The following USP26 variants were observed in gnomAD, a reference collection of about 807,000 sequenced individuals.
The protein encoded by USP26 is ubiquitin specific peptidase 26, also known as ubiquitin carboxyl-terminal hydrolase 26.
For missense variants in USP26, 649 were observed against 642.3 expected (o/e 1.01, Z -0.11); for synonymous variants, 236 against 240.6 (o/e 0.98, Z 0.18).
At position 133,027,437 on chromosome X, in the gene USP26, T is replaced by G. The variant is rs1449468387; in HGVS notation, c.784A>C (p.Met262Leu). The change falls in exon 6 of 6, where the codon ATG (methionine) becomes CTG (leucine). Residue 262 changes from methionine (M) to leucine (L), a missense_variant. Transcript: ENST00000511190. ...IGLLQALTEK[M>L]VLVFLLQQGY... is the part of the protein sequence containing the mutation. ...TGTTGTAACAGAAATACCAAAACCA[T>G]TTTCTCAGTGAGAGCTTGGAGAAGA... 1 of 1,209,676 alleles carries G rather than the reference T, an allele frequency of 8.3e-7. No individual in the cohort carries two copies. Among genetic ancestry groups the G allele is most frequent in the Non-Finnish European group, 1.1e-6 (1 of 894,740 alleles).
rs1381474908 is a variant in USP26, at chrX:133,026,118, A to G, written c.2103T>C (p.Tyr701=). 1 of 1,210,695 alleles carries G rather than the reference A, an allele frequency of 8.3e-7. No individual in the cohort carries two copies. Among genetic ancestry groups the G allele is most frequent in the Non-Finnish European group, 1.1e-6 (1 of 895,176 alleles). Residue 701 remains tyrosine, a synonymous_variant, in exon 6 of 6, where the codon TAT becomes TAC. Transcript: ENST00000511190. ...AAGCTACAAACTTACTGGTTTTCAC[A>G]TATTTCTTTCGTTTTGGATTTTCGG... ...TVPENPKRKK[Y]VKTSKFVAFD... is the part of the protein sequence containing the mutation.
intron 5 of USP26, among the ~76,000 whole-genome samples, chrX:133,057,866 ATTTTTTTTT>A (rs59814007): frequency 1.1e-4 from 1 of 9,334 alleles, no homozygotes; most frequent in Non-Finnish European, 1.6e-4. Flanking sequence ...ATATATATAT[ATTTTTTTTT>A]TTTTTTTTTT....
At position 133,026,721 on chromosome X, in the gene USP26, C is replaced by T. The variant is rs778825409; in HGVS notation, c.1500G>A (p.Glu500=). ...EELEYKCAKC[E]HKTSVGVHSF... is the part of the protein sequence containing the mutation. Reference sequence around the variant, plus strand: ...AGTGCACTCCAACGGAAGTCTTGTGCTCACATTTTGCACATTTATACTCAA... The same window carrying T: ...AGTGCACTCCAACGGAAGTCTTGTGTTCACATTTTGCACATTTATACTCAA... Residue 500 remains glutamate (E), a synonymous_variant, in exon 6 of 6, where the codon GAG becomes GAA. Transcript: ENST00000511190. 1.3e-5 allele frequency: 16 copies of T among 1,208,110 alleles called. No homozygotes were observed. The Middle Eastern group carries it at 6.9e-4, about 52-fold the overall frequency.
At chrX:133,034,411 T>C (rs1234107791) in intron 5 of USP26, among the ~76,000 whole-genome samples, 2 of 111,532 alleles carry the variant, frequency 1.8e-5, no homozygotes, top group African/African-American at 6.5e-5. Flanking sequence ...AAGCTGACTA[T>C]GACATGAAGG....
chrX:133,030,496 C>T (rs1048537333), intron 5 of USP26, among the ~76,000 whole-genome samples: 6 of 112,084 alleles, frequency 5.4e-5, no homozygotes, highest in Non-Finnish European at 9.4e-5. Flanking sequence ...GGTATTGCAG[C>T]CGGTGCTCTC....
At chrX:133,053,145 G>A (rs1376388061) in intron 5 of USP26, among the ~76,000 whole-genome samples, 2 of 111,760 alleles carry the variant, frequency 1.8e-5, no homozygotes, top group African/African-American at 3.3e-5. Context: ...CAGAATATAC[G>A]GTTATTCTAA....
chrX:133,035,937 C>A (rs973526851), intron 5 of USP26, among the ~76,000 whole-genome samples: 1 of 111,126 alleles, frequency 9.0e-6, no homozygotes, highest in Non-Finnish European at 1.9e-5. Flanking sequence ...GGCAGGTGGA[C>A]CACTTGAGCC....
At chrX:133,037,801 G>T (rs1288972267) in intron 5 of USP26, among the ~76,000 whole-genome samples, 3 of 111,829 alleles carry the variant, frequency 2.7e-5, no homozygotes, top group Non-Finnish European at 5.6e-5. Context: ...TCCTATCCAT[G>T]AACATGGAAT....
rs1161931666 is a variant in USP26, at chrX:133,028,046, C to T, written c.175G>A (p.Val59Ile). 1 of 1,210,434 alleles carries T rather than the reference C, an allele frequency of 8.3e-7. No individual in the cohort carries two copies. ...TTTCCTCTATAGGATTTAAGGACTA[C>T]ATTTTGAATATTATCACTTAGCCGA... ...TFRLSDNIQNVVLKSYRGNQN... is the reference protein window; with the variant it reads ...TFRLSDNIQNIVLKSYRGNQN... Residue 59 changes from valine (V) to isoleucine (I), a missense_variant, in exon 6 of 6, where the codon GTA becomes ATA. Physicochemically the swap from Val to Ile is conservative, Grantham distance 29 (BLOSUM62 3). Coordinates refer to ENST00000511190, the MANE Select transcript of USP26 (RefSeq NM_031907.3).
At chrX:133,049,271 C>G (rs1056182154) in intron 5 of USP26, among the ~76,000 whole-genome samples, 7 of 111,964 alleles carry the variant, frequency 6.3e-5, no homozygotes, top group Non-Finnish European at 1.3e-4. Context: ...GTTCATGCTC[C>G]TCATTTACAA....
chrX:133,068,658 T>G, intron 5 of USP26, among the ~76,000 whole-genome samples: 1 of 112,042 alleles, frequency 8.9e-6, no homozygotes, highest in Non-Finnish European at 1.9e-5. Context: ...GAGAAATGCT[T>G]AGAGCTAAGT....
intron 5 of USP26, among the ~76,000 whole-genome samples, chrX:133,073,000 C>T (rs2067535315): frequency 8.9e-6 from 1 of 111,737 alleles, no homozygotes; most frequent in Non-Finnish European, 1.9e-5. Context: ...TGCATTTTTT[C>T]GTAGAGTCCC....
intron 1 of USP26, among the ~76,000 whole-genome samples, chrX:133,095,093 C>CAAAAAAAAAAAA (rs35394795): frequency 2.0e-5 from 1 of 51,219 alleles, no homozygotes; most frequent in African/African-American, 7.0e-5. Context: ...AGACTCTTGT[C>CAAAAAAAAAAAA]AAAAAAAAAA....
Position 133,027,951 on chromosome X carries a change from A to G in USP26, c.270T>C (p.Asp90=), listed in dbSNP as rs1422869555. ...GLFIEGLSST[D]AEQLKIFLDR... is the part of the protein sequence containing the mutation. Reference sequence around the variant, plus strand: ...CCAAGAATATCTTCAATTGTTCAGCATCTGTGGAGGATAATCCTTCAATAA... The same window carrying G: ...CCAAGAATATCTTCAATTGTTCAGCGTCTGTGGAGGATAATCCTTCAATAA... Residue 90 remains aspartate (D), a synonymous_variant, in exon 6 of 6, where the codon GAT becomes GAC. Transcript: ENST00000511190. 2.5e-6 allele frequency: 3 copies of G among 1,209,938 alleles called. No homozygotes were observed. In the African/African-American group the frequency reaches 5.2e-5, roughly 21 times the overall value.
At chrX:133,035,457 T>C (rs932441488) in intron 5 of USP26, among the ~76,000 whole-genome samples, 1 of 111,951 alleles carries the variant, frequency 8.9e-6, no homozygotes, top group Admixed American at 9.5e-5. Flanking sequence ...AAGAATTTGG[T>C]AATGCCTCCC....
chrX:133,042,820 T>C (rs1159847315), intron 5 of USP26, among the ~76,000 whole-genome samples: 2 of 111,639 alleles, frequency 1.8e-5, no homozygotes, highest in Non-Finnish European at 3.8e-5. Context: ...CCTTATTCTC[T>C]AAGCATGTGA....
At chrX:133,086,989 T>C (rs1426447335) in intron 4 of USP26, among the ~76,000 whole-genome samples, 2 of 109,830 alleles carry the variant, frequency 1.8e-5, no homozygotes, top group African/African-American at 6.6e-5. Context: ...CACGACTCAC[T>C]GATTCACCAA....
intron 5 of USP26, among the ~76,000 whole-genome samples, chrX:133,072,576 C>T (rs191038367): frequency 8.9e-6 from 1 of 112,375 alleles, no homozygotes; most frequent in African/African-American, 3.2e-5. Context: ...GAACATAACA[C>T]TATTATTTCA....
chrX:133,060,960 ATTAT>A (rs1211270556), intron 5 of USP26, among the ~76,000 whole-genome samples: 1 of 111,921 alleles, frequency 8.9e-6, no homozygotes, highest in Non-Finnish European at 1.9e-5. Context: ...TAATCTAGAG[ATTAT>A]TTAAAGTACA....
Sources: allele counts gnomAD v4.1 joint callset (sites outside exome capture counted in the v4.1 genomes callset), GRCh38; gene constraint gnomAD v4.1.1; transcripts MANE v1.5; gene names NCBI Gene and HGNC (gene_info 2026-07-23, HGNC 2026-07-21).